RBFOX1: variants seen among roughly 807,000 people sequenced by gnomAD.
RBFOX1 encodes the protein RNA binding protein fox-1 homolog 1.
A neutral mutation model predicts 57.7 loss-of-function variants in RBFOX1; 8 were observed. The observed-to-expected ratio is 0.14, with a 90% confidence interval of 0.08 to 0.25. The LOEUF (loss-of-function observed/expected upper bound fraction) is 0.25, where lower values mean the gene tolerates loss of function less well. Among genes scored for constraint, RBFOX1 ranks in the 10% least tolerant of loss-of-function variants. The pLI is 1.00. For synonymous variants in RBFOX1, 326 were observed against 222.4 expected (o/e 1.47, Z -4.15); for missense variants, 611 against 548.5 (o/e 1.11, Z -1.14).
intron 3 of RBFOX1, among the ~76,000 whole-genome samples, chr16:7,000,959 A>G (rs1023512633): frequency 6.6e-6 from 1 of 152,198 alleles, no homozygotes; most frequent in Non-Finnish European, 1.5e-5. Flanking sequence ...GCTTTTCTTT[A>G]TTGAAGTCCT....
At chr16:5,372,488 A>C (rs1260045791) in intron 1 of RBFOX1, among the ~76,000 whole-genome samples, 3 of 152,176 alleles carry the variant, frequency 2.0e-5, no homozygotes, top group African/African-American at 7.2e-5. Context: ...TGAAGAAAAG[A>C]AATGCTCAGT....
chr16:5,855,150 G>A (rs1040358236), intron 3 of RBFOX1, among the ~76,000 whole-genome samples: 18 of 152,116 alleles, frequency 1.2e-4, no homozygotes, highest in Admixed American at 7.9e-4. Context: ...ATATAGTTTA[G>A]AAGTATTTTC....
chr16:7,544,969 A>C (rs2084017745), intron 5 of RBFOX1, among the ~76,000 whole-genome samples: 3 of 152,168 alleles, frequency 2.0e-5, no homozygotes, highest in African/African-American at 4.8e-5. Context: ...GTGTGAACGG[A>C]ATGTATGAAT....
At chr16:6,587,938 A>G (rs771728908) in intron 2 of RBFOX1, among the ~76,000 whole-genome samples, 1 of 152,186 alleles carries the variant, frequency 6.6e-6, no homozygotes, top group Non-Finnish European at 1.5e-5. Flanking sequence ...CTTAAAAACA[A>G]GGCGGTTTTT....
chr16:6,539,829 A>ACACACACACACACACACACACACG (rs1431765862), intron 2 of RBFOX1, among the ~76,000 whole-genome samples: 12 of 151,892 alleles, frequency 7.9e-5, no homozygotes, highest in Non-Finnish European at 1.0e-4. Context: ...ACACACACAC[A>ACACACACACACACACACACACACG]CACACACAGA....
intron 2 of RBFOX1, among the ~76,000 whole-genome samples, chr16:6,527,605 C>T (rs1033742487): frequency 6.6e-5 from 10 of 152,146 alleles, no homozygotes; most frequent in Non-Finnish European, 1.5e-4. Flanking sequence ...TAATTGCATG[C>T]ACCTGCAATG....
chr16:7,544,299 C>T (rs1470030315), intron 5 of RBFOX1, among the ~76,000 whole-genome samples: 3 of 152,192 alleles, frequency 2.0e-5, no homozygotes, highest in Non-Finnish European at 4.4e-5. Flanking sequence ...TACTTACTGG[C>T]TATGTCACCT....
intron 3 of RBFOX1, among the ~76,000 whole-genome samples, chr16:6,754,554 G>A (rs1323790264): frequency 6.6e-6 from 1 of 152,052 alleles, no homozygotes; most frequent in Admixed American, 6.6e-5. Flanking sequence ...TTCCCACATA[G>A]AATTTCTCTC....
chr16:6,761,571 G>A (rs1216199495), intron 3 of RBFOX1, among the ~76,000 whole-genome samples: 14 of 136,066 alleles, frequency 1.0e-4, no homozygotes, highest in East Asian at 6.5e-4. Flanking sequence ...GCAGTGGTGC[G>A]ATCTCGGTTC....
At chr16:6,573,977 C>G (rs1394145805) in intron 2 of RBFOX1, 2 of 152,306 alleles carry the variant, frequency 1.3e-5, no homozygotes, top group African/African-American at 4.8e-5. Flanking sequence ...TAGGTTGCTT[C>G]TAACAGACAT....
chr16:5,679,135 A>C (rs1874873112), intron 3 of RBFOX1, among the ~76,000 whole-genome samples: 1 of 152,192 alleles, frequency 6.6e-6, no homozygotes, highest in South Asian at 2.1e-4. Context: ...TGGCAAAGAG[A>C]AACCAGGCAG....
intron 2 of RBFOX1, among the ~76,000 whole-genome samples, chr16:5,559,608 C>G (rs989475593): frequency 1.3e-5 from 2 of 152,156 alleles, no homozygotes; most frequent in Non-Finnish European, 2.9e-5. Context: ...CCTAAAGGCG[C>G]CCCTCCACCT....
intron 4 of RBFOX1, among the ~76,000 whole-genome samples, chr16:7,131,879 C>A (rs1010598090): frequency 4.1e-4 from 62 of 152,134 alleles, no homozygotes; most frequent in African/African-American, 1.4e-3. Flanking sequence ...CACATCTTAG[C>A]TTCTAGGGGG....
intron 3 of RBFOX1, among the ~76,000 whole-genome samples, chr16:7,023,787 G>C (rs1461509383): frequency 2.0e-5 from 3 of 151,904 alleles, no homozygotes; most frequent in Non-Finnish European, 4.4e-5. Context: ...TACAGCCTCG[G>C]CATCCTTCTG....
chr16:7,031,369 G>T (rs1349667309), intron 3 of RBFOX1, among the ~76,000 whole-genome samples: 1 of 152,118 alleles, frequency 6.6e-6, no homozygotes, highest in Non-Finnish European at 1.5e-5. Flanking sequence ...GCCGAGGCAG[G>T]TGGATCACTT....
At chr16:7,244,365 A>C (rs535331207) in intron 4 of RBFOX1, among the ~76,000 whole-genome samples, 10 of 152,194 alleles carry the variant, frequency 6.6e-5, no homozygotes, top group African/African-American at 2.4e-4. Context: ...CAAACCCTCA[A>C]GATGCATCCC....
Position 6,662,476 on chromosome 16 carries a change from C to A in RBFOX1, c.-16+7826C>A, listed in dbSNP as rs1347669847. Among the ~76,000 whole-genome samples the A allele has an allele frequency of 7.2e-5, 11 of 152,194 alleles. No individual in the cohort carries two copies. In the South Asian group the frequency reaches 2.1e-3, roughly 29 times the overall value. On this transcript the variant is annotated intron_variant, in intron 3 of 15. Coordinates refer to ENST00000550418, the MANE Select transcript of RBFOX1 (RefSeq NM_018723.4). The stretch of plus-strand genomic sequence containing the variant: ...TGGAATAGAAGAGGAACACATTTTC[C>A]TGCAGGCCGGTATTGTACAAGTGTT...
chr16:6,051,602 C>G (rs912239904), intron 1 of RBFOX1, among the ~76,000 whole-genome samples: 1 of 151,998 alleles, frequency 6.6e-6, no homozygotes. Context: ...TCTCTGTCAC[C>G]CAGACTGCTG....
At chr16:7,219,228 C>A (rs1053617099) in intron 4 of RBFOX1, among the ~76,000 whole-genome samples, 2 of 152,286 alleles carry the variant, frequency 1.3e-5, no homozygotes, top group East Asian at 1.9e-4. Flanking sequence ...CATGCTCTAC[C>A]AATTAACACC....
Sources: gnomAD v4.1 joint callset for allele counts (sites outside exome capture counted in the v4.1 genomes callset) on GRCh38, gnomAD v4.1.1 for gene constraint, MANE v1.5 for transcripts, NCBI Gene and HGNC (gene_info 2026-07-23, HGNC 2026-07-21) for gene names.